Variants in SYNPR observed in about 807,000 individuals in gnomAD.
SYNPR encodes synaptoporin.
Under a neutral mutation model 32.9 loss-of-function variants are expected in SYNPR, and 23 were observed. That is an observed-to-expected ratio of 0.70 (90% CI 0.50 to 0.99). SYNPR has a LOEUF of 0.99. Ranked by LOEUF, SYNPR falls within the 50% of genes least tolerant of loss-of-function variation. SYNPR has a pLI of 0.00. For synonymous variants in SYNPR, 146 were observed against 135.9 expected, an observed-to-expected ratio of 1.07 and a Z score of -0.52; for missense variants, 318 against 349.3, an observed-to-expected ratio of 0.91 and a Z score of 0.71.
At chr3:63,481,075 C>A in intron 3 of SYNPR, 119 bp downstream of exon 3, 1 of 1,377,780 alleles carries the variant, frequency 7.3e-7, no homozygotes, top group Non-Finnish European at 9.7e-7. Flanking sequence ...AGTATTCTGC[C>A]TGCACCCACG....
intron 2 of SYNPR, among the ~76,000 whole-genome samples, chr3:63,312,547 C>A (rs2086978449): frequency 6.6e-6 from 1 of 151,854 alleles, no homozygotes; most frequent in Non-Finnish European, 1.5e-5. Context: ...TTTCTACTTT[C>A]AGAAAAAAAA....
the SYNPR span, among the ~76,000 whole-genome samples, chr3:63,207,605 A>T: frequency 6.6e-6 from 1 of 152,208 alleles, no homozygotes; most frequent in East Asian, 1.9e-4. Context: ...CACAATAGTC[A>T]TAACTCAGTA....
chr3:63,523,310 T>A (rs1362775194), intron 3 of SYNPR, among the ~76,000 whole-genome samples: 1 of 152,158 alleles, frequency 6.6e-6, no homozygotes, highest in African/African-American at 2.4e-5. Flanking sequence ...GGGAGGAGTT[T>A]ACGTCTGGCT....
At chr3:63,438,684 C>T (rs750804733) in intron 2 of SYNPR, among the ~76,000 whole-genome samples, 3 of 152,194 alleles carry the variant, frequency 2.0e-5, no homozygotes, top group Admixed American at 2.0e-4. Flanking sequence ...TATACCTGCT[C>T]ACATCACAAT....
In SYNPR at chr3:63,330,924, G is replaced by A. The variant is rs555440613; in HGVS notation, c.84+52182G>A. Among the ~76,000 whole-genome samples the A allele has an allele frequency of 2.6e-5, 4 of 152,152 alleles. No homozygotes were observed. The East Asian group carries it at 5.8e-4, about 22-fold the overall frequency. ...TTAGATAAGGAAGAAAAGTTTCTAC[G>A]ATGAAACTGTCTGTTCAGACAAAAA... On this transcript the variant is annotated intron_variant, in intron 2 of 5. Coordinates refer to ENST00000478300, the MANE Select transcript of SYNPR (RefSeq NM_001130003.2).
chr3:63,277,705 T>G (rs1410124480), upstream of SYNPR, among the ~76,000 whole-genome samples: 1 of 152,162 alleles, frequency 6.6e-6, no homozygotes, highest in Non-Finnish European at 1.5e-5. Context: ...CCTGGTCCTC[T>G]CTCTGGCATC....
chr3:63,569,533 C>T (rs1443144492), intron 4 of SYNPR, among the ~76,000 whole-genome samples: 2 of 152,212 alleles, frequency 1.3e-5, no homozygotes, highest in South Asian at 2.1e-4. Context: ...GACATTAAAA[C>T]ATTTGCTTTG....
chr3:63,466,734 C>T (rs1461760669), intron 2 of SYNPR, among the ~76,000 whole-genome samples: 2 of 133,990 alleles, frequency 1.5e-5, no homozygotes, highest in Non-Finnish European at 3.0e-5. Flanking sequence ...CTTCTCTCAG[C>T]CTGTGGAGAG....
chr3:63,364,411 C>T (rs1560206140), intron 2 of SYNPR, among the ~76,000 whole-genome samples: 1 of 152,080 alleles, frequency 6.6e-6, no homozygotes, highest in Non-Finnish European at 1.5e-5. Context: ...AGATAGAGTG[C>T]TTATGAGCTC....
intron 2 of SYNPR, among the ~76,000 whole-genome samples, chr3:63,422,956 G>T (rs939487327): frequency 7.9e-5 from 12 of 152,074 alleles, no homozygotes; most frequent in Non-Finnish European, 1.6e-4. Context: ...CACCATTCAG[G>T]AGTTAAAAAT....
At chr3:63,412,323 ATTTC>A (rs2088477549) in intron 2 of SYNPR, among the ~76,000 whole-genome samples, 2 of 152,264 alleles carry the variant, frequency 1.3e-5, no homozygotes, top group African/African-American at 2.4e-5. Context: ...CACTGAAAAT[ATTTC>A]TTTATTGATC....
At chr3:63,508,575 T>TC (rs1313446852) in intron 3 of SYNPR, among the ~76,000 whole-genome samples, 2 of 151,912 alleles carry the variant, frequency 1.3e-5, no homozygotes, top group Non-Finnish European at 2.9e-5. Flanking sequence ...AAGACAAAAC[T>TC]CCCTAACTCA....
intron 2 of SYNPR, among the ~76,000 whole-genome samples, chr3:63,463,123 G>T (rs1354334973): frequency 6.6e-6 from 1 of 152,098 alleles, no homozygotes; most frequent in Non-Finnish European, 1.5e-5. Flanking sequence ...TGTGCCAGTG[G>T]GTTTCTCAGA....
intron 2 of SYNPR, among the ~76,000 whole-genome samples, chr3:63,302,508 C>T (rs556016807): frequency 1.3e-5 from 2 of 152,180 alleles, no homozygotes; most frequent in East Asian, 3.9e-4. Context: ...GTAGGCCTGA[C>T]TCCAAGTTCA....
In SYNPR at chr3:63,610,472, A is replaced by G; in HGVS notation, c.600+1156A>G. 3 of 698,308 alleles carry G rather than the reference A, an allele frequency of 4.3e-6. No individual in the cohort carries two copies. The South Asian group carries it at 4.5e-5, about 10-fold the overall frequency. 43.3% of individuals were successfully genotyped at this position (698,308 alleles called of 1,614,324 possible). A position where few individuals can be genotyped will look rare whatever the true frequency, so the allele number is the denominator to read the frequency against. On this transcript the variant is annotated intron_variant, in intron 5 of 5. Transcript: ENST00000478300. ...CTTCAAGATTAACCTGTGTTTCTAC[A>G]GCTTTCTGAAATTCAATCTGCGAAG...
intron 2 of SYNPR, among the ~76,000 whole-genome samples, chr3:63,333,908 G>A (rs550412366): frequency 3.9e-5 from 6 of 152,228 alleles, no homozygotes; most frequent in South Asian, 2.1e-4. Context: ...ATTAAAAGCC[G>A]AAATGTCTTA....
chr3:63,511,373 T>C (rs1396655453), intron 3 of SYNPR, among the ~76,000 whole-genome samples: 1 of 152,186 alleles, frequency 6.6e-6, no homozygotes, highest in African/African-American at 2.4e-5. Flanking sequence ...GAGCTCTGCA[T>C]TGTGACATTT....
At chr3:63,492,218 C>T (rs1701269337) in intron 3 of SYNPR, among the ~76,000 whole-genome samples, 1 of 152,148 alleles carries the variant, frequency 6.6e-6, no homozygotes, top group East Asian at 1.9e-4. Flanking sequence ...GGATCAGGCC[C>T]CTGACTGAGA....
At chr3:63,216,886 C>T in the SYNPR span, among the ~76,000 whole-genome samples, 1 of 47,238 alleles carries the variant, frequency 2.1e-5, no homozygotes, top group African/African-American at 7.0e-5. Context: ...GATGGGTTTT[C>T]GGTGTAGATG....
Sources: gnomAD v4.1 joint callset for allele counts (sites outside exome capture counted in the v4.1 genomes callset) on GRCh38, gnomAD v4.1.1 for gene constraint, MANE v1.5 for transcripts, NCBI Gene and HGNC (gene_info 2026-07-23, HGNC 2026-07-21) for gene names.